The following NRG2 variants were observed in gnomAD, a reference collection of about 807,000 sequenced individuals.
NRG2 encodes neuregulin 2.
NRG2 carries 27 observed loss-of-function variants against 73.9 expected under a neutral mutation model. The ratio of observed to expected loss-of-function variants is 0.37; its 90% CI spans 0.27 to 0.50. The LOEUF is 0.50. Ranked by LOEUF, NRG2 falls within the 20% of genes least tolerant of loss-of-function variation. The pLI, the probability that NRG2 is intolerant of heterozygous loss-of-function variation, is 0.96. For missense variants in NRG2, 1,126 were observed against 1,210.1 expected, an observed-to-expected ratio of 0.93 and a Z score of 1.03; for synonymous variants, 532 against 541.0, an observed-to-expected ratio of 0.98 and a Z score of 0.23.
chr5:139,953,604 G>A (rs1233821127), intron 1 of NRG2, among the ~76,000 whole-genome samples: 2 of 152,158 alleles, frequency 1.3e-5, no homozygotes, highest in Non-Finnish European at 2.9e-5. Context: ...CCCAGCCAGC[G>A]TTTTCTGGAA....
chr5:140,030,704 T>C (rs967850260), intron 1 of NRG2, among the ~76,000 whole-genome samples: 3 of 152,240 alleles, frequency 2.0e-5, no homozygotes, highest in African/African-American at 7.2e-5. Flanking sequence ...AATTAGATTC[T>C]TTCCAGCAGA....
intron 5 of NRG2, among the ~76,000 whole-genome samples, chr5:139,860,126 G>A (rs771766000): frequency 6.6e-6 from 1 of 152,138 alleles, no homozygotes. Context: ...CCCAAGGAGG[G>A]TAGAGAGAGA....
chr5:140,034,011 T>A (rs1213946263), intron 1 of NRG2, among the ~76,000 whole-genome samples: 11 of 151,846 alleles, frequency 7.2e-5, no homozygotes, highest in Admixed American at 7.2e-4. Flanking sequence ...CAGGCTGCAG[T>A]GCAGTGGCGC....
At position 139,865,064 on chromosome 5, in the gene NRG2, G is replaced by A; in HGVS notation, c.1189+485C>T. The A allele has an allele frequency of 1.4e-6, 2 of 1,466,162 alleles. No homozygotes were observed. The highest frequency in any genetic ancestry group is 1.9e-6 in the Non-Finnish European group (2 of 1,045,204). The allele number at this position is 1,466,162 out of a possible 1,614,324, so 90.8% of individuals were successfully genotyped here. On this transcript the variant is annotated intron_variant, in intron 5 of 9. Coordinates refer to ENST00000361474, the MANE Select transcript of NRG2 (RefSeq NM_004883.3). The surrounding 1 kb of genome is among the most constrained non-coding windows in gnomAD (Gnocchi z 5.2). ...AAGCAAGGCCCCATCCCTCCCCAGGGGGAGACTGTCAGTCACCAGGGAAGA... is the reference window on the plus strand; with the variant it reads ...AAGCAAGGCCCCATCCCTCCCCAGGAGGAGACTGTCAGTCACCAGGGAAGA...
intron 1 of NRG2, among the ~76,000 whole-genome samples, chr5:139,991,976 A>G (rs1757664513): frequency 6.6e-6 from 1 of 152,170 alleles, no homozygotes. Flanking sequence ...AAGTCCTGAT[A>G]TTTGGTGAGG....
chr5:139,867,140 T>C (rs1762516646), intron 4 of NRG2, among the ~76,000 whole-genome samples: 1 of 148,836 alleles, frequency 6.7e-6, no homozygotes, highest in Non-Finnish European at 1.5e-5. Context: ...CCACTTAGGC[T>C]TACAGTAAGT....
At chr5:139,972,584 G>A (rs529550903) in intron 1 of NRG2, among the ~76,000 whole-genome samples, 1 of 152,130 alleles carries the variant, frequency 6.6e-6, no homozygotes, top group Non-Finnish European at 1.5e-5. Flanking sequence ...AATTAGCTGG[G>A]TATGTGGCGT....
In NRG2 at chr5:140,042,930, C is replaced by T; in HGVS notation, c.140G>A (p.Ser47Asn). Reference protein sequence around the residue: ...SSSSSESGSSSRSSSNNSSIS... With the variant: ...SSSSSESGSSNRSSSNNSSIS... ...GCTGCTGTTGTTGCTGCTGCTCCTGCTGCTGCTGCCGCTCTCGCTGCTGCT... is the reference window on the plus strand; with the variant it reads ...GCTGCTGTTGTTGCTGCTGCTCCTGTTGCTGCTGCCGCTCTCGCTGCTGCT... The change falls in exon 1 of 10, where the codon AGC (serine) becomes AAC (asparagine). Residue 47 changes from serine to asparagine, a missense_variant. Physicochemically the swap from Ser to Asn is conservative, Grantham distance 46. Around this residue, in one of 3 missense-constraint regions of NRG2, gnomAD observed 185 missense variants for 149.0 expected, o/e 1.24. Transcript: ENST00000361474. 1 of 1,541,728 alleles carries T rather than the reference C, an allele frequency of 6.5e-7. No homozygotes were observed.
intron 1 of NRG2, among the ~76,000 whole-genome samples, chr5:139,896,145 A>G (rs1764529221): frequency 6.6e-6 from 1 of 152,204 alleles, no homozygotes; most frequent in African/African-American, 2.4e-5. Context: ...ACTGGGATAC[A>G]TGCAAAGCCA....
At position 140,010,831 on chromosome 5, in the gene NRG2, A is replaced by G. The variant is rs113913871; in HGVS notation, c.700+31539T>C. 5.9e-3 allele frequency among the ~76,000 whole-genome samples: 906 copies of G among 152,312 alleles called. 8 individuals are homozygous for G. Among genetic ancestry groups the G allele is most frequent in the African/African-American group, 0.021 (858 of 41,564 alleles). On this transcript the variant is annotated intron_variant, in intron 1 of 9. Transcript: ENST00000361474. The stretch of plus-strand genomic sequence containing the variant: ...AGTGATCCAGGTGAAGAACTTGGAA[A>G]GCATCGGACACATCCGTGCTCCCCC...
chr5:139,962,349 G>A (rs1755132480), intron 1 of NRG2, among the ~76,000 whole-genome samples: 1 of 152,220 alleles, frequency 6.6e-6, no homozygotes, highest in Non-Finnish European at 1.5e-5. Flanking sequence ...TCCAGTGGGA[G>A]AAGGGTGATC....
At chr5:139,933,001 G>A (rs553903288) in intron 1 of NRG2, among the ~76,000 whole-genome samples, 7 of 152,298 alleles carry the variant, frequency 4.6e-5, no homozygotes, top group South Asian at 4.1e-4. Context: ...CAGGCCGCAC[G>A]CGGTGGCTCA....
chr5:139,957,885 G>C (rs114180757), intron 1 of NRG2, among the ~76,000 whole-genome samples: 500 of 152,238 alleles, frequency 3.3e-3, no homozygotes, highest in African/African-American at 0.011. Flanking sequence ...TAAGGAGAAG[G>C]TTCCTTGCTC....
At chr5:139,910,126 G>A (rs1765483389) in intron 1 of NRG2, among the ~76,000 whole-genome samples, 1 of 152,132 alleles carries the variant, frequency 6.6e-6, no homozygotes. Flanking sequence ...ATCTGAAAAA[G>A]TCATTTTCCA....
At chr5:139,960,336 G>A (rs1055241915) in intron 1 of NRG2, among the ~76,000 whole-genome samples, 5 of 152,160 alleles carry the variant, frequency 3.3e-5, no homozygotes, top group African/African-American at 1.2e-4. Flanking sequence ...CCAACGTGGT[G>A]AAACCCAGTT....
chr5:139,860,642 C>T (rs1762092995), intron 5 of NRG2, among the ~76,000 whole-genome samples: 2 of 152,174 alleles, frequency 1.3e-5, no homozygotes, highest in Non-Finnish European at 2.9e-5. Context: ...AACTGCAACT[C>T]ACAGGAAGAG....
At chr5:139,862,041 CTG>C (rs1186553035) in intron 5 of NRG2, among the ~76,000 whole-genome samples, 1 of 152,198 alleles carries the variant, frequency 6.6e-6, no homozygotes, top group African/African-American at 2.4e-5. Flanking sequence ...AGAAGGGAGA[CTG>C]GAGGCCAGAC....
intron 1 of NRG2, among the ~76,000 whole-genome samples, chr5:139,928,591 C>T (rs1752237418): frequency 6.6e-6 from 1 of 152,188 alleles, no homozygotes; most frequent in Admixed American, 6.5e-5. Flanking sequence ...TTCTACAACC[C>T]CCAGAGCAAC....
At chr5:139,984,910 T>C (rs1415410677) in intron 1 of NRG2, among the ~76,000 whole-genome samples, 2 of 152,222 alleles carry the variant, frequency 1.3e-5, no homozygotes, top group Non-Finnish European at 2.9e-5. Flanking sequence ...TGGTTTACTT[T>C]CAGCCCAGAT....
Sources: allele counts gnomAD v4.1 joint callset (sites outside exome capture counted in the v4.1 genomes callset), GRCh38; gene constraint gnomAD v4.1.1; regional missense constraint gnomAD v4.1.1; non-coding constraint Gnocchi (gnomAD v3.1); transcripts MANE v1.5; gene names NCBI Gene and HGNC (gene_info 2026-07-23, HGNC 2026-07-21).